DPP10: variants seen among roughly 807,000 people sequenced by gnomAD.
The protein encoded by DPP10 is inactive dipeptidyl peptidase 10.
Under a neutral mutation model 120.9 loss-of-function variants are expected in DPP10, and 33 were observed. The observed-to-expected ratio is 0.27, with a 90% confidence interval of 0.21 to 0.37. The LOEUF (loss-of-function observed/expected upper bound fraction) is 0.37, where lower values mean the gene tolerates loss of function less well. DPP10 is among the 10% of genes least tolerant of loss of function. The pLI is 1.00. For synonymous variants in DPP10, 337 were observed against 326.1 expected (o/e 1.03, Z -0.36); for missense variants, 816 against 942.8 (o/e 0.87, Z 1.76).
At chr2:114,667,698 A>G (rs769620611) in intron 1 of DPP10, among the ~76,000 whole-genome samples, 11 of 152,190 alleles carry the variant, frequency 7.2e-5, no homozygotes, top group Non-Finnish European at 1.5e-4. Flanking sequence ...AAATGCTGCT[A>G]CAGAGGGGAT....
intron 1 of DPP10, among the ~76,000 whole-genome samples, chr2:114,663,271 T>TATATACAC (rs375462897): frequency 1.3e-4 from 19 of 147,348 alleles, no homozygotes; most frequent in Admixed American, 2.1e-4. Flanking sequence ...TATATATATA[T>TATATACAC]ACACACACAT....
At chr2:115,591,304 T>G (rs1365816618) in intron 5 of DPP10, among the ~76,000 whole-genome samples, 4 of 152,242 alleles carry the variant, frequency 2.6e-5, no homozygotes, top group Non-Finnish European at 5.9e-5. Flanking sequence ...AACATATAAG[T>G]GTTTAATCCA....
chr2:114,949,129 T>G (rs1369736192), intron 1 of DPP10, among the ~76,000 whole-genome samples: 1 of 152,122 alleles, frequency 6.6e-6, no homozygotes, highest in East Asian at 1.9e-4. Flanking sequence ...TTCACCATGT[T>G]GCCCAGGATG....
chr2:115,813,232 C>T (rs1382942616), intron 19 of DPP10, among the ~76,000 whole-genome samples: 1 of 146,696 alleles, frequency 6.8e-6, no homozygotes. Flanking sequence ...CCACCCGCCT[C>T]GGCCTGACTG....
intron 1 of DPP10, among the ~76,000 whole-genome samples, chr2:114,651,476 A>G (rs1696577672): frequency 6.6e-6 from 1 of 152,136 alleles, no homozygotes; most frequent in Admixed American, 6.6e-5. Context: ...CATACCCTGT[A>G]CCCACCAAGC....
intron 3 of DPP10, among the ~76,000 whole-genome samples, chr2:115,489,595 A>T (rs1263600826): frequency 1.3e-5 from 2 of 151,914 alleles, no homozygotes; most frequent in Non-Finnish European, 2.9e-5. Flanking sequence ...CAAACCAAAA[A>T]ATTTTGTAAA....
chr2:115,416,248 T>C (rs1677061922), intron 3 of DPP10, among the ~76,000 whole-genome samples: 1 of 152,136 alleles, frequency 6.6e-6, no homozygotes, highest in Non-Finnish European at 1.5e-5. Context: ...TCAAGGTTGA[T>C]AAAAAGCAAA....
At chr2:115,187,839 C>T (rs185946141) in intron 1 of DPP10, among the ~76,000 whole-genome samples, 2 of 151,862 alleles carry the variant, frequency 1.3e-5, no homozygotes, top group East Asian at 3.9e-4. Context: ...CATCTCTACA[C>T]AAAATAAGAA....
At chr2:115,151,410 T>C (rs1340291893) in intron 1 of DPP10, among the ~76,000 whole-genome samples, 1 of 145,060 alleles carries the variant, frequency 6.9e-6, no homozygotes, top group Non-Finnish European at 1.5e-5. Flanking sequence ...ATTACTTTCT[T>C]ATACTTTTTT....
In DPP10 at chr2:115,137,104, G is replaced by A. The variant is rs368249216; in HGVS notation, c.61-172135G>A. ...GAGGGTGTGTGTGGGAGGGAGAGAGGAGTTGGTGGGAAGAGGAGGTCATCT... is the reference window on the plus strand; with the variant it reads ...GAGGGTGTGTGTGGGAGGGAGAGAGAAGTTGGTGGGAAGAGGAGGTCATCT... On this transcript the variant is annotated intron_variant, in intron 1 of 25. Transcript: ENST00000410059. Among the ~76,000 whole-genome samples the A allele has an allele frequency of 5.9e-5, 9 of 152,248 alleles. No individual in the cohort carries two copies. In the East Asian group the frequency reaches 1.7e-3, roughly 30 times the overall value.
intron 3 of DPP10, among the ~76,000 whole-genome samples, chr2:115,384,013 T>C (rs1417944986): frequency 6.6e-6 from 1 of 152,184 alleles, no homozygotes; most frequent in Non-Finnish European, 1.5e-5. Flanking sequence ...GCCTGCATGC[T>C]TATGTAAGTG....
chr2:115,726,209 C>T (rs2092762294), intron 7 of DPP10, among the ~76,000 whole-genome samples: 1 of 152,156 alleles, frequency 6.6e-6, no homozygotes, highest in Non-Finnish European at 1.5e-5. Flanking sequence ...ACATATTTAA[C>T]TAATATAACA....
chr2:115,100,191 TC>T (rs568278923), intron 1 of DPP10, among the ~76,000 whole-genome samples: 171 of 152,246 alleles, frequency 1.1e-3, no homozygotes, highest in Non-Finnish European at 1.9e-3. Context: ...ACACCTGTAA[TC>T]CAAGCACTTT....
intron 1 of DPP10, among the ~76,000 whole-genome samples, chr2:114,693,941 T>C (rs918152740): frequency 1.3e-5 from 2 of 151,986 alleles, no homozygotes; most frequent in African/African-American, 4.8e-5. Flanking sequence ...TGTATATTTG[T>C]GTTTACGTGT....
At chr2:114,565,769 C>T (rs927629023) in intron 1 of DPP10, among the ~76,000 whole-genome samples, 1 of 152,206 alleles carries the variant, frequency 6.6e-6, no homozygotes, top group Admixed American at 6.5e-5. Context: ...TTATAATTTA[C>T]TCTTCTTGTG....
intron 2 of DPP10, among the ~76,000 whole-genome samples, chr2:115,321,437 G>A (rs574655764): frequency 1.9e-4 from 28 of 151,012 alleles, no homozygotes; most frequent in African/African-American, 4.4e-4. Flanking sequence ...GTTTTCTTTC[G>A]CTGCTTGCAG....
chr2:115,185,452 A>G (rs955127256), intron 1 of DPP10, among the ~76,000 whole-genome samples: 4 of 152,196 alleles, frequency 2.6e-5, no homozygotes, highest in Non-Finnish European at 5.9e-5. Context: ...AAAGTATTAC[A>G]GAAGAGTCAG....
intron 4 of DPP10, among the ~76,000 whole-genome samples, chr2:115,523,836 G>T (rs11123308): frequency 3.9e-5 from 6 of 152,108 alleles, no homozygotes; most frequent in Non-Finnish European, 8.8e-5. Flanking sequence ...AGACCACATG[G>T]TAGATGACTG....
At chr2:115,646,752 G>A (rs1447205192) in intron 5 of DPP10, among the ~76,000 whole-genome samples, 1 of 152,144 alleles carries the variant, frequency 6.6e-6, no homozygotes, top group African/African-American at 2.4e-5. Flanking sequence ...ACAACCCTGA[G>A]CCTCAATTTC....
Sources: gnomAD v4.1 joint callset for allele counts (sites outside exome capture counted in the v4.1 genomes callset) on GRCh38, gnomAD v4.1.1 for gene constraint, MANE v1.5 for transcripts, NCBI Gene and HGNC (gene_info 2026-07-23, HGNC 2026-07-21) for gene names.